The following AFG2B variants were observed in gnomAD, a reference collection of about 807,000 sequenced individuals.
AFG2B encodes the protein ATPase family gene 2 protein homolog B.
chr15:45,410,175 A>C, the AFG2B span, among the ~76,000 whole-genome samples: 2 of 152,242 alleles, frequency 1.3e-5, no homozygotes, highest in African/African-American at 4.8e-5. Context: ...AACTCTTGAC[A>C]TCTTTCGGGG....
the AFG2B span, among the ~76,000 whole-genome samples, chr15:45,409,701 A>G: frequency 3.9e-5 from 6 of 152,090 alleles, no homozygotes; most frequent in African/African-American, 1.4e-4. Context: ...TCTCTACAAA[A>G]AAAAAATATA....
chr15:45,411,721 G>A, the AFG2B span, among the ~76,000 whole-genome samples: 4 of 152,118 alleles, frequency 2.6e-5, no homozygotes, highest in African/African-American at 4.8e-5. Context: ...CCAGGAGATC[G>A]AGGCTGCAGT....
the AFG2B span, chr15:45,402,450 C>A: frequency 6.2e-7 from 1 of 1,604,700 alleles, no homozygotes; most frequent in South Asian, 1.1e-5. Flanking sequence ...ACTCGGATCC[C>A]TTCCCTGAAG....
At chr15:45,414,752 T>C in the AFG2B span, 1 of 1,614,190 alleles carries the variant, frequency 6.2e-7, no homozygotes, top group Non-Finnish European at 8.5e-7. Flanking sequence ...TCACCGTTTG[T>C]TGGAGATTCA....
chr15:45,402,978 C>A, the AFG2B span: 6 of 1,594,246 alleles, frequency 3.8e-6, no homozygotes, highest in Non-Finnish European at 4.2e-6. Flanking sequence ...CTCGTACCCG[C>A]GTCAGCCTTG....
chr15:45,413,461 A>G, the AFG2B span, among the ~76,000 whole-genome samples: 1 of 152,090 alleles, frequency 6.6e-6, no homozygotes, highest in Admixed American at 6.5e-5. Flanking sequence ...ACAGCCAGCC[A>G]CCCCATCCCC....
chr15:45,408,842 A>G, the AFG2B span, among the ~76,000 whole-genome samples: 4 of 152,292 alleles, frequency 2.6e-5, no homozygotes, highest in East Asian at 5.8e-4. Flanking sequence ...TGTTGCCTCA[A>G]TGCCACTGCA....
At chr15:45,416,788 A>G in the AFG2B span, 1 of 153,126 alleles carries the variant, frequency 6.5e-6, no homozygotes, top group African/African-American at 2.4e-5. Context: ...TTTATCCAGG[A>G]TTTGCGCACC....
the AFG2B span, chr15:45,417,613 T>G: frequency 2.1e-6 from 1 of 475,144 alleles, no homozygotes. Context: ...ATTTTTTGTG[T>G]TGTGGCAGAC....
the AFG2B span, chr15:45,414,734 A>G: frequency 1.2e-6 from 2 of 1,614,118 alleles, no homozygotes; most frequent in Non-Finnish European, 1.7e-6. Context: ...AGTGGAGCTG[A>G]TCTGTTTTCA....
At chr15:45,408,664 A>G in the AFG2B span, among the ~76,000 whole-genome samples, 509 of 152,276 alleles carry the variant, frequency 3.3e-3, 1 homozygote, top group African/African-American at 0.012. Flanking sequence ...TGGAACTGCT[A>G]TTTTTCCCTT....
chr15:45,417,670 G>A, the AFG2B span: 1 of 315,468 alleles, frequency 3.2e-6, no homozygotes. Context: ...TAGAGTGGAG[G>A]AATCCTAAAG....
At chr15:45,419,988 C>CCCA in the AFG2B span, among the ~76,000 whole-genome samples, 1 of 95,664 alleles carries the variant, frequency 1.0e-5, no homozygotes, top group Non-Finnish European at 1.9e-5. Flanking sequence ...AGACTCTGTC[C>CCCA]CCCCCCCCCA....
the AFG2B span, chr15:45,414,893 C>G: frequency 1.1e-6 from 1 of 918,918 alleles, no homozygotes; most frequent in Non-Finnish European, 1.6e-6. Context: ...AAAATTTATA[C>G]GTTTATTGAA....
At chr15:45,415,841 AG>A in the AFG2B span, 1 of 1,501,942 alleles carries the variant, frequency 6.7e-7, no homozygotes, top group Non-Finnish European at 9.1e-7. Flanking sequence ...CCTAAAATCC[AG>A]GCCAACATTA....
chr15:45,410,928 G>A, the AFG2B span, among the ~76,000 whole-genome samples: 1 of 152,080 alleles, frequency 6.6e-6, no homozygotes, highest in Non-Finnish European at 1.5e-5. Context: ...AAGGCTGGGC[G>A]CAGTGGCTCA....
the AFG2B span, among the ~76,000 whole-genome samples, chr15:45,411,621 A>C: frequency 6.6e-6 from 1 of 152,044 alleles, no homozygotes; most frequent in East Asian, 1.9e-4. Context: ...CTGGCCTACA[A>C]AAAATTTTTT....
the AFG2B span, among the ~76,000 whole-genome samples, chr15:45,405,105 C>T: frequency 1.3e-5 from 2 of 151,968 alleles, no homozygotes; most frequent in African/African-American, 2.4e-5. Flanking sequence ...CTATAGTCAC[C>T]CTACTACACT....
the AFG2B span, chr15:45,402,465 G>C: frequency 2.5e-6 from 4 of 1,607,864 alleles, no homozygotes; most frequent in Non-Finnish European, 3.4e-6. Context: ...CTGAAGGGCC[G>C]CTCTTAAAGC....
Sources: allele counts gnomAD v4.1 joint callset (sites outside exome capture counted in the v4.1 genomes callset), GRCh38; gene constraint gnomAD v4.1.1; transcripts MANE v1.5; gene names NCBI Gene and HGNC (gene_info 2026-07-23, HGNC 2026-07-21).